FCHO2: variants seen among roughly 807,000 people sequenced by gnomAD.
The protein encoded by FCHO2 is F-BAR domain only protein 2.
In FCHO2, 43 loss-of-function variants were observed where a neutral mutation model predicts 114.1. That is an observed-to-expected ratio of 0.38 (90% CI 0.30 to 0.49). The LOEUF (loss-of-function observed/expected upper bound fraction) is 0.49, where lower values mean the gene tolerates loss of function less well. Among genes scored for constraint, FCHO2 ranks in the 20% least tolerant of loss-of-function variants. The pLI is 0.97. For synonymous variants in FCHO2, 293 were observed against 315.2 expected, an observed-to-expected ratio of 0.93 and a Z score of 0.75; for missense variants, 807 against 950.4, an observed-to-expected ratio of 0.85 and a Z score of 1.98.
intron 11 of FCHO2, among the ~76,000 whole-genome samples, chr5:73,046,341 A>G (rs545935170): frequency 6.6e-6 from 1 of 152,284 alleles, no homozygotes; most frequent in Admixed American, 6.5e-5. Flanking sequence ...TGCTGGGATT[A>G]TAGGCCTGAG....
chr5:72,956,047 A>C lies in FCHO2; in HGVS notation c.-50A>C. 6.5e-7 allele frequency: 1 copy of C among 1,537,196 alleles called. No homozygotes were observed. The highest frequency in any genetic ancestry group is 8.8e-7 in the Non-Finnish European group (1 of 1,140,932). ...GTGCTGTGGGGGCCGGGCCGTGTTTACACAGCGGCGGGCGGGCGCGGACGC... is the reference window on the plus strand; with the variant it reads ...GTGCTGTGGGGGCCGGGCCGTGTTTCCACAGCGGCGGGCGGGCGCGGACGC... On this transcript the variant is annotated 5_prime_UTR_variant, in exon 1 of 26. Transcript: ENST00000430046.
At chr5:73,074,705 T>C in intron 19 of FCHO2, 37 bp from the exon 20 acceptor site, 1 of 1,558,476 alleles carries the variant, frequency 6.4e-7, no homozygotes, top group Non-Finnish European at 8.8e-7. Flanking sequence ...TTTATGTCTT[T>C]CTGAAGGATT....
intron 2 of FCHO2, among the ~76,000 whole-genome samples, chr5:72,981,458 T>G (rs1443325376): frequency 1.3e-5 from 2 of 152,350 alleles, no homozygotes; most frequent in South Asian, 2.1e-4. Context: ...CTTTGTGGTG[T>G]TCTCTATATT....
chr5:72,963,039 G>A (rs973182851), intron 1 of FCHO2, among the ~76,000 whole-genome samples: 1 of 152,200 alleles, frequency 6.6e-6, no homozygotes, highest in Non-Finnish European at 1.5e-5. Context: ...ATTGATAAAT[G>A]TGCAAGAGGA....
At chr5:73,060,432 G>A (rs937358707) in intron 17 of FCHO2, among the ~76,000 whole-genome samples, 2 of 151,932 alleles carry the variant, frequency 1.3e-5, no homozygotes, top group African/African-American at 2.4e-5. Flanking sequence ...TCATAATTGC[G>A]ATTCTCCTGT....
Position 72,968,540 on chromosome 5 carries a change from A to C in FCHO2, c.76A>C (p.Lys26Gln). The change falls in exon 2 of 26, where the codon AAA becomes CAA. Residue 26 changes from lysine to glutamine, a missense_variant. Coordinates refer to ENST00000430046, the MANE Select transcript of FCHO2 (RefSeq NM_138782.3). The part of the protein sequence containing the change: ...SGFDVLYHNM[K>Q]HGQISTKELA... Reference sequence around the variant, plus strand: ...CTTTGATGTCCTCTACCATAATATGAAACATGGACAGATATCAACAAAAGA... The same window carrying C: ...CTTTGATGTCCTCTACCATAATATGCAACATGGACAGATATCAACAAAAGA... The C allele has an allele frequency of 6.5e-7, 1 of 1,549,402 alleles. No homozygotes were observed. The highest frequency in any genetic ancestry group is 8.6e-7 in the Non-Finnish European group (1 of 1,156,288).
At chr5:73,016,141 A>C (rs1418303886) in intron 7 of FCHO2, among the ~76,000 whole-genome samples, 1 of 152,074 alleles carries the variant, frequency 6.6e-6, no homozygotes, top group Admixed American at 6.6e-5. Flanking sequence ...TAGTAGAGAA[A>C]GATGAAGTCT....
chr5:72,967,243 C>T (rs1047063721), intron 1 of FCHO2, among the ~76,000 whole-genome samples: 3 of 152,176 alleles, frequency 2.0e-5, no homozygotes, highest in East Asian at 1.9e-4. Flanking sequence ...CATAATTGCA[C>T]GTCTGCACTC....
chr5:73,006,385 C>G, intron 5 of FCHO2, 60 bp from the exon 6 acceptor site: 1 of 1,006,750 alleles, frequency 9.9e-7, no homozygotes, highest in Middle Eastern at 3.1e-4. Flanking sequence ...TATTAACTTA[C>G]ATTAGGAAAG....
At chr5:73,060,022 A>G (rs953043570) in intron 17 of FCHO2, among the ~76,000 whole-genome samples, 5 of 151,984 alleles carry the variant, frequency 3.3e-5, no homozygotes, top group African/African-American at 4.8e-5. Flanking sequence ...TTTTATTTAT[A>G]TAGAAATTTC....
chr5:73,052,532 TTTATATAA>T, intron 13 of FCHO2, 25 bp downstream of exon 13: 1 of 1,528,304 alleles, frequency 6.5e-7, no homozygotes, highest in Non-Finnish European at 8.8e-7. Context: ...GTTTGTACTC[TTTATATAA>T]AAGTCTTTAT....
rs1014196232 is a variant in FCHO2, at chr5:73,059,520, A to G, written c.1345+996A>G. 4.6e-5 allele frequency among the ~76,000 whole-genome samples: 7 copies of G among 152,222 alleles called. No homozygotes were observed. The East Asian group carries it at 1.4e-3, about 29-fold the overall frequency. The stretch of plus-strand genomic sequence containing the variant: ...ATCTGTCACACTTTGGCAGATTAAC[A>G]GCAACAACAAAAAAGCCATGTTGAA... On this transcript the variant is annotated intron_variant, in intron 17 of 25. Transcript: ENST00000430046.
intron 19 of FCHO2, among the ~76,000 whole-genome samples, chr5:73,074,294 TATA>T (rs1391927971): frequency 6.6e-6 from 1 of 151,946 alleles, no homozygotes; most frequent in African/African-American, 2.4e-5. Context: ...TAAAGAGAAT[TATA>T]ATAATAATGA....
intron 17 of FCHO2, among the ~76,000 whole-genome samples, chr5:73,060,981 A>G (rs1330244617): frequency 1.3e-5 from 2 of 151,188 alleles, no homozygotes; most frequent in African/African-American, 4.9e-5. Context: ...TTCTCTGCCT[A>G]TGAATTAATT....
intron 11 of FCHO2, among the ~76,000 whole-genome samples, chr5:73,044,362 C>G (rs1756956543): frequency 6.6e-6 from 1 of 152,168 alleles, no homozygotes; most frequent in Non-Finnish European, 1.5e-5. Context: ...TTCCAGCCTC[C>G]TGAGTAGCTG....
chr5:73,012,315 C>T (rs1356664730), intron 6 of FCHO2, among the ~76,000 whole-genome samples: 2 of 152,064 alleles, frequency 1.3e-5, no homozygotes, highest in Non-Finnish European at 2.9e-5. Context: ...TGGCTCATGA[C>T]TATACTTTTA....
chr5:72,972,762 G>T (rs1471004783), intron 2 of FCHO2, among the ~76,000 whole-genome samples: 1 of 152,110 alleles, frequency 6.6e-6, no homozygotes, highest in Non-Finnish European at 1.5e-5. Flanking sequence ...GTGAGAGAGG[G>T]CATCCCTGTC....
intron 19 of FCHO2, among the ~76,000 whole-genome samples, chr5:73,074,283 T>C (rs561821471): frequency 1.3e-5 from 2 of 151,476 alleles, no homozygotes; most frequent in East Asian, 3.9e-4. Flanking sequence ...AAAGAGGAGG[T>C]TAAAGAGAAT....
chr5:73,017,504 A>G (rs79243628), intron 8 of FCHO2, among the ~76,000 whole-genome samples, 196 bp downstream of exon 8: 8 of 152,300 alleles, frequency 5.3e-5, no homozygotes, highest in African/African-American at 1.9e-4. Context: ...AAAATCTCAG[A>G]TATTACTATT....
Sources: allele counts gnomAD v4.1 joint callset (sites outside exome capture counted in the v4.1 genomes callset), GRCh38; gene constraint gnomAD v4.1.1; transcripts MANE v1.5; gene names NCBI Gene and HGNC (gene_info 2026-07-23, HGNC 2026-07-21).